The following HMBOX1 variants were observed in gnomAD, a reference collection of about 807,000 sequenced individuals.
HMBOX1 encodes homeobox containing 1, also known as homeobox-containing protein 1.
A neutral mutation model predicts 54.5 loss-of-function variants in HMBOX1; 14 were observed. That is an observed-to-expected ratio of 0.26 (90% confidence interval 0.17 to 0.40). HMBOX1 has a LOEUF of 0.40. HMBOX1 is among the 10% of genes least tolerant of loss of function. The pLI, the probability that HMBOX1 is intolerant of heterozygous loss-of-function variation, is 1.00. For synonymous variants in HMBOX1, 160 were observed against 181.0 expected, an observed-to-expected ratio of 0.88 and a Z score of 0.93; for missense variants, 332 against 514.4, an observed-to-expected ratio of 0.65 and a Z score of 3.43.
chr8:29,049,020 A>G lies in HMBOX1; in HGVS notation c.1097A>G (p.Asp366Gly). 2 of 1,613,844 alleles carry G rather than the reference A, an allele frequency of 1.2e-6. No individual in the cohort carries two copies. The highest frequency in any genetic ancestry group is 1.7e-6 in the Non-Finnish European group (2 of 1,179,918). The part of the protein sequence containing the change: ...QSPGGHSNSD[D>G]VDGNDYSEQD... Reference sequence around the variant, plus strand: ...CCAGGAGGCCACTCAAACAGTGATGATGTCGACGGGAATGACTACTCTGAG... The same window carrying G: ...CCAGGAGGCCACTCAAACAGTGATGGTGTCGACGGGAATGACTACTCTGAG... The change falls in exon 9 of 10, where the codon GAT (aspartate) becomes GGT (glycine). Residue 366 changes from aspartate (D) to glycine (G), a missense_variant. Asp to Gly is a moderately conservative substitution (Grantham distance 94, BLOSUM62 -1). Transcript: ENST00000287701.
At chr8:29,044,435 C>T (rs1354987178) in intron 6 of HMBOX1, among the ~76,000 whole-genome samples, 1 of 152,004 alleles carries the variant, frequency 6.6e-6, no homozygotes, top group Non-Finnish European at 1.5e-5. Context: ...TCTGATGGGT[C>T]TGAGAATTCT....
At chr8:29,047,486 G>A in intron 8 of HMBOX1, 33 bp downstream of exon 8, 3 of 1,129,808 alleles carry the variant, frequency 2.7e-6, no homozygotes, top group Non-Finnish European at 2.7e-6. Flanking sequence ...TTTCTCTTGT[G>A]CAGCAGTTGT....
At chr8:28,903,049 A>T (rs574166463) in intron 1 of HMBOX1, among the ~76,000 whole-genome samples, 1 of 152,350 alleles carries the variant, frequency 6.6e-6, no homozygotes, top group African/African-American at 2.4e-5. Flanking sequence ...TTCTTAATGT[A>T]AACAAATGAA....
At chr8:28,978,875 A>C (rs78634986) in intron 3 of HMBOX1, among the ~76,000 whole-genome samples, 2,872 of 152,220 alleles carry the variant, frequency 0.019, 87 homozygotes, top group African/African-American at 0.066. Flanking sequence ...GACAAAAGTC[A>C]ATACAGAATA....
chr8:28,893,865 G>A lies in HMBOX1; in HGVS notation c.-58+3187G>A, dbSNP rs549500230. Among the ~76,000 whole-genome samples the A allele has an allele frequency of 2.0e-4, 31 of 152,260 alleles. 1 individual carries two copies. The South Asian group carries it at 6.0e-3, about 30-fold the overall frequency. On this transcript the variant is annotated intron_variant, in intron 1 of 9. Coordinates refer to ENST00000287701, the MANE Select transcript of HMBOX1 (RefSeq NM_001135726.3). ...AGCACATCCCACATTTAGGGCTCCC[G>A]TGCAATTTAGTTCTGTTCATTTCAT...
chr8:28,965,595 G>GTC (rs2132297840), intron 2 of HMBOX1, among the ~76,000 whole-genome samples: 1 of 152,308 alleles, frequency 6.6e-6, no homozygotes, highest in Non-Finnish European at 1.5e-5. Context: ...GTTCTTGGGA[G>GTC]AGGCTGGCTT....
chr8:29,026,931 A>G (rs1802142215), intron 6 of HMBOX1, among the ~76,000 whole-genome samples: 1 of 152,154 alleles, frequency 6.6e-6, no homozygotes, highest in Non-Finnish European at 1.5e-5. Context: ...GAATGGCAAA[A>G]TGGTTGTTAA....
intron 1 of HMBOX1, among the ~76,000 whole-genome samples, chr8:28,934,177 C>G (rs1235611603): frequency 6.6e-6 from 1 of 152,128 alleles, no homozygotes; most frequent in Non-Finnish European, 1.5e-5. Flanking sequence ...GTTTAACAAT[C>G]TAAAATCAAT....
At chr8:29,032,894 C>T (rs1383392141) in intron 6 of HMBOX1, among the ~76,000 whole-genome samples, 6 of 151,926 alleles carry the variant, frequency 3.9e-5, no homozygotes, top group African/African-American at 1.5e-4. Flanking sequence ...TTGTTAAAAT[C>T]GTAAGGCATT....
At chr8:28,910,020 C>T (rs1815106806) in intron 1 of HMBOX1, among the ~76,000 whole-genome samples, 1 of 152,218 alleles carries the variant, frequency 6.6e-6, no homozygotes, top group East Asian at 1.9e-4. Context: ...TCCACAAGAA[C>T]CCTTATGTTC....
chr8:29,048,715 T>C, intron 8 of HMBOX1: 1 of 423,506 alleles, frequency 2.4e-6, no homozygotes, highest in Non-Finnish European at 4.3e-6. Flanking sequence ...AGCAAGTATT[T>C]ATGAAGCACC....
chr8:29,000,943 T>C (rs140314572), intron 4 of HMBOX1, among the ~76,000 whole-genome samples: 1 of 152,230 alleles, frequency 6.6e-6, no homozygotes, highest in South Asian at 2.1e-4. Context: ...TGGTAATTTC[T>C]AAAATTCTGA....
intron 1 of HMBOX1, among the ~76,000 whole-genome samples, chr8:28,930,442 A>T (rs74904054): frequency 1.5e-3 from 221 of 152,306 alleles, no homozygotes; most frequent in African/African-American, 5.0e-3. Flanking sequence ...AGACGTGTAG[A>T]TACTGCTGCT....
intron 1 of HMBOX1, among the ~76,000 whole-genome samples, chr8:28,896,675 G>A (rs560985213): frequency 8.1e-6 from 1 of 124,124 alleles, no homozygotes; most frequent in African/African-American, 2.6e-5. Context: ...TTTCCAGTGC[G>A]TTACAGTTGC....
chr8:28,899,690 A>G (rs948587042), intron 1 of HMBOX1, among the ~76,000 whole-genome samples: 15 of 152,202 alleles, frequency 9.9e-5, no homozygotes, highest in Non-Finnish European at 1.6e-4. Flanking sequence ...TTTTATTCCT[A>G]TGTCAGTATT....
In HMBOX1 at chr8:28,970,714, C is replaced by G; in HGVS notation, c.500+195C>G. 1 of 486,678 alleles carries G rather than the reference C, an allele frequency of 2.1e-6. No homozygotes were observed. The highest frequency in any genetic ancestry group is 3.6e-6 in the Non-Finnish European group (1 of 278,498). 30.1% of individuals were successfully genotyped at this position (486,678 alleles called of 1,614,324 possible). The stretch of plus-strand genomic sequence containing the variant: ...GCTTTATGTTTTTAATTTAAATTTT[C>G]TCTTCTTTACTTCAGCCCTTTCTCT... On this transcript the variant is annotated intron_variant, in intron 3 of 9. Coordinates refer to ENST00000287701, the MANE Select transcript of HMBOX1 (RefSeq NM_001135726.3). This position sits in a 1 kb window ranked among gnomAD's most constrained non-coding sequence, Gnocchi z 4.3.
At chr8:29,026,043 T>TACACACACACAC (rs35597688) in intron 6 of HMBOX1, among the ~76,000 whole-genome samples, 27 of 143,582 alleles carry the variant, frequency 1.9e-4, no homozygotes, top group East Asian at 1.0e-3. Flanking sequence ...TGCTACCATG[T>TACACACACACAC]ACACACACAC....
intron 6 of HMBOX1, among the ~76,000 whole-genome samples, chr8:29,040,463 A>G (rs1412915884): frequency 6.6e-6 from 1 of 152,202 alleles, no homozygotes; most frequent in African/African-American, 2.4e-5. Flanking sequence ...AATATTTACC[A>G]TGAGGTACTA....
intron 5 of HMBOX1, among the ~76,000 whole-genome samples, chr8:29,017,095 G>A (rs971186759): frequency 2.6e-5 from 4 of 152,176 alleles, no homozygotes; most frequent in African/African-American, 9.7e-5. Context: ...TGGCTACAGT[G>A]TCCAAGATGG....
Sources: allele counts gnomAD v4.1 joint callset (sites outside exome capture counted in the v4.1 genomes callset), GRCh38; gene constraint gnomAD v4.1.1; non-coding constraint Gnocchi (gnomAD v3.1); transcripts MANE v1.5; gene names NCBI Gene and HGNC (gene_info 2026-07-23, HGNC 2026-07-21).